The following MORC1 variants were observed in gnomAD, a reference collection of about 807,000 sequenced individuals.
MORC1 encodes the protein MORC family CW-type zinc finger 1.
MORC1 carries 59 observed loss-of-function variants against 134.9 expected under a neutral mutation model. The ratio of observed to expected loss-of-function variants is 0.44; its 90% CI spans 0.35 to 0.54. The LOEUF (loss-of-function observed/expected upper bound fraction) is 0.54, where lower values mean the gene tolerates loss of function less well. Ranked by LOEUF, MORC1 falls within the 20% of genes least tolerant of loss-of-function variation. The pLI is 0.00. For missense variants in MORC1, 947 were observed against 1,134.5 expected, an observed-to-expected ratio of 0.83 and a Z score of 2.37; for synonymous variants, 395 against 391.7, an observed-to-expected ratio of 1.01 and a Z score of -0.10.
chr3:109,106,325 G>A (rs1321122654), intron 3 of MORC1, among the ~76,000 whole-genome samples: 1 of 152,056 alleles, frequency 6.6e-6, no homozygotes, highest in South Asian at 2.1e-4. Flanking sequence ...TAAACGGCTG[G>A]GAAAGACCAA....
intron 21 of MORC1, among the ~76,000 whole-genome samples, chr3:108,990,211 T>C (rs1195157824): frequency 6.6e-6 from 1 of 152,112 alleles, no homozygotes; most frequent in African/African-American, 2.4e-5. Flanking sequence ...ATACCTACCT[T>C]TATGGAACAC....
chr3:108,989,157 G>A (rs1026582692), intron 21 of MORC1, among the ~76,000 whole-genome samples: 1 of 152,080 alleles, frequency 6.6e-6, no homozygotes, highest in Non-Finnish European at 1.5e-5. Context: ...ACAGACAGTT[G>A]TTTTTTCGAT....
chr3:109,061,090 C>A (rs2107683655), intron 11 of MORC1, among the ~76,000 whole-genome samples: 2 of 152,128 alleles, frequency 1.3e-5, no homozygotes, highest in East Asian at 3.9e-4. Flanking sequence ...ATCCCTTACT[C>A]AGGACCTTAG....
intron 17 of MORC1, among the ~76,000 whole-genome samples, chr3:109,011,371 T>C (rs1202390386): frequency 1.3e-5 from 2 of 152,220 alleles, no homozygotes; most frequent in South Asian, 4.1e-4. Flanking sequence ...GTTATCTCAT[T>C]GTGGTTTTAA....
At chr3:109,089,810 C>G (rs555415764) in intron 8 of MORC1, among the ~76,000 whole-genome samples, 8 of 152,064 alleles carry the variant, frequency 5.3e-5, no homozygotes, top group Admixed American at 2.0e-4. Flanking sequence ...CTTGTCATTA[C>G]CCCCACCCTT....
At chr3:109,059,701 G>GA in intron 12 of MORC1, 105 bp downstream of exon 12, 59 of 889,342 alleles carry the variant, frequency 6.6e-5, no homozygotes, top group Non-Finnish European at 7.6e-5. Context: ...GTCACAAGCT[G>GA]AAAAAAAATT....
At chr3:108,998,464 CTTTTGTGGTAGCT>C (rs2107514284) in intron 21 of MORC1, among the ~76,000 whole-genome samples, 1 of 152,202 alleles carries the variant, frequency 6.6e-6, no homozygotes, top group East Asian at 1.9e-4. Context: ...GGGAGGGAGT[CTTTTGTGGTAGCT>C]AATTATTCTT....
intron 8 of MORC1, among the ~76,000 whole-genome samples, chr3:109,071,067 A>G (rs1950305703): frequency 6.6e-6 from 1 of 152,202 alleles, no homozygotes; most frequent in South Asian, 2.1e-4. Flanking sequence ...TGCTTTTAGT[A>G]TACCCAGAAC....
chr3:108,996,281 C>CGT lies in MORC1; in HGVS notation c.2187+4275_2187+4276insAC, dbSNP rs1451037648. 1.7e-3 allele frequency among the ~76,000 whole-genome samples: 114 copies of CGT among 69,060 alleles called. 1 individual carries two copies. The highest frequency in any genetic ancestry group is 3.1e-3 in the Admixed American group (23 of 7,496). The allele number at this position is 69,060 out of a possible 152,430, so 45.3% of individuals were successfully genotyped here. On this transcript the variant is annotated intron_variant, in intron 21 of 27. Coordinates refer to ENST00000232603, the MANE Select transcript of MORC1 (RefSeq NM_014429.4). The stretch of plus-strand genomic sequence containing the variant: ...GTGCACATGTGCGCGTGCGTGCGCG[C>CGT]GCGCGCACACACACACACACACACA...
intron 14 of MORC1, among the ~76,000 whole-genome samples, chr3:109,048,553 G>A (rs1949748657): frequency 6.6e-6 from 1 of 152,094 alleles, no homozygotes. Context: ...GTATTAGTTT[G>A]CTAGGGCTGC....
At chr3:109,003,509 G>A (rs1576620560) in intron 20 of MORC1, among the ~76,000 whole-genome samples, 1 of 151,490 alleles carries the variant, frequency 6.6e-6, no homozygotes, top group East Asian at 1.9e-4. Context: ...CTTCTCAATG[G>A]ACTGTATGTT....
intron 8 of MORC1, among the ~76,000 whole-genome samples, chr3:109,081,369 C>G (rs538809293): frequency 6.6e-6 from 1 of 151,922 alleles, no homozygotes; most frequent in Non-Finnish European, 1.5e-5. Flanking sequence ...ACCAGCAATA[C>G]CACAGAACTC....
At chr3:108,961,593 G>C (rs1947082407) in intron 27 of MORC1, among the ~76,000 whole-genome samples, 1 of 152,152 alleles carries the variant, frequency 6.6e-6, no homozygotes, top group African/African-American at 2.4e-5. Context: ...CTGGCAACCA[G>C]AAACTGTGAA....
intron 17 of MORC1, among the ~76,000 whole-genome samples, chr3:109,014,575 G>A (rs1336808190): frequency 3.9e-5 from 6 of 152,142 alleles, no homozygotes; most frequent in Non-Finnish European, 7.4e-5. Flanking sequence ...TCTTGTTCCT[G>A]ATACAGCAAA....
intron 5 of MORC1, 87 bp downstream of exon 5, chr3:109,100,330 C>A: frequency 9.6e-7 from 1 of 1,039,154 alleles, no homozygotes. Flanking sequence ...TAAAGCTTTA[C>A]ATGCCTGCAT....
chr3:109,005,811 G>A (rs1441458745), intron 18 of MORC1, among the ~76,000 whole-genome samples: 1 of 152,134 alleles, frequency 6.6e-6, no homozygotes, highest in Non-Finnish European at 1.5e-5. Context: ...CAGGAGTTGA[G>A]GGCAGACCAC....
intron 21 of MORC1, among the ~76,000 whole-genome samples, chr3:108,996,498 T>C (rs1390919637): frequency 5.9e-5 from 9 of 152,144 alleles, no homozygotes; most frequent in Non-Finnish European, 1.2e-4. Context: ...TCTAGAGCAT[T>C]TGGAAAAGGA....
At chr3:109,022,437 G>T (rs997159057) in intron 17 of MORC1, among the ~76,000 whole-genome samples, 1 of 152,212 alleles carries the variant, frequency 6.6e-6, no homozygotes, top group Non-Finnish European at 1.5e-5. Flanking sequence ...TGTGGGAATT[G>T]CCAGATTATA....
intron 26 of MORC1, among the ~76,000 whole-genome samples, chr3:108,967,348 A>G (rs2248654): frequency 0.36 from 54,056 of 151,996 alleles, 10,158 homozygotes; most frequent in Middle Eastern, 0.49. Context: ...AGCAAATTTC[A>G]AAGTTTTACA....
Sources: gnomAD v4.1 joint callset for allele counts (sites outside exome capture counted in the v4.1 genomes callset) on GRCh38, gnomAD v4.1.1 for gene constraint, MANE v1.5 for transcripts, NCBI Gene and HGNC (gene_info 2026-07-23, HGNC 2026-07-21) for gene names.